MAGED1: variants seen among roughly 807,000 people sequenced by gnomAD.
MAGED1 encodes the protein melanoma-associated antigen D1.
MAGED1 carries 3 observed loss-of-function variants against 54.1 expected under a neutral mutation model. That is an observed-to-expected ratio of 0.06 (90% CI 0.03 to 0.14). The LOEUF (loss-of-function observed/expected upper bound fraction) is 0.14. Ranked by LOEUF, MAGED1 falls within the 10% of genes least tolerant of loss-of-function variation. The pLI is 1.00. For synonymous variants in MAGED1, 217 were observed against 227.3 expected (o/e 0.95, Z 0.41); for missense variants, 485 against 623.4 (o/e 0.78, Z 2.36).
chrX:51,807,818 C>A (rs2146946708), intron 1 of MAGED1, among the ~76,000 whole-genome samples: 1 of 112,127 alleles, frequency 8.9e-6, no homozygotes, highest in African/African-American at 3.2e-5. Flanking sequence ...AATGTAACTT[C>A]ACAACATGCC....
At chrX:51,898,507 C>T in intron 9 of MAGED1, 74 bp from the exon 10 acceptor site, 1 of 1,032,151 alleles carries the variant, frequency 9.7e-7, no homozygotes, top group Non-Finnish European at 1.3e-6. Flanking sequence ...TTTCTCATCT[C>T]TGACCTCTGT....
In MAGED1 at chrX:51,901,563, G is replaced by T; in HGVS notation, c.1970G>T (p.Arg657Ile). Residue 657 changes from arginine to isoleucine, a missense_variant, in exon 12 of 13, where the codon AGA becomes ATA. Physicochemically the swap from Arg to Ile is moderately conservative, Grantham distance 97. Transcript: ENST00000326587. Reference sequence around the variant, plus strand: ...TATTCCTCATCTCAGGTTCAGAAAAGAGACCCTCGTGACTGGACTGCACAG... The same window carrying T: ...TATTCCTCATCTCAGGTTCAGAAAATAGACCCTCGTGACTGGACTGCACAG... ...VLRFIAEVQK[R>I]DPRDWTAQFM... The T allele has an allele frequency of 8.7e-7, 1 of 1,150,931 alleles. No individual in the cohort carries two copies. The highest frequency in any genetic ancestry group is 1.2e-6 in the Non-Finnish European group (1 of 866,314). 94.8% of individuals were successfully genotyped at this position (1,150,931 alleles called of 1,213,427 possible).
intron 1 of MAGED1, among the ~76,000 whole-genome samples, chrX:51,880,053 G>A (rs1331858168): frequency 1.8e-5 from 2 of 112,784 alleles, no homozygotes; most frequent in Non-Finnish European, 3.7e-5. Flanking sequence ...AATTGTCTGC[G>A]TGGTGTCTAT....
chrX:51,902,008 T>G (rs1199947672), intron 12 of MAGED1, 70 bp downstream of exon 12: 13 of 1,048,313 alleles, frequency 1.2e-5, no homozygotes, highest in Non-Finnish European at 1.6e-5. Context: ...GTTGTATTTA[T>G]GTGCATGAGC....
intron 1 of MAGED1, among the ~76,000 whole-genome samples, chrX:51,849,449 A>C (rs895051049): frequency 1.8e-5 from 2 of 111,842 alleles, no homozygotes; most frequent in African/African-American, 6.5e-5. Flanking sequence ...CATTTTGTTT[A>C]TAGATTAGAG....
chrX:51,890,832 CAAA>C (rs11393540), upstream of MAGED1, among the ~76,000 whole-genome samples: 5 of 62,908 alleles, frequency 7.9e-5, no homozygotes, highest in East Asian at 5.2e-4. Context: ...ATAAGATTGG[CAAA>C]AAAAAAAAAA....
intron 7 of MAGED1, 80 bp from the exon 8 acceptor site, chrX:51,898,034 G>C: frequency 1.0e-6 from 1 of 957,249 alleles, no homozygotes; most frequent in Admixed American, 2.3e-5. Flanking sequence ...GAGGAATATT[G>C]GGGAGGCTAG....
chrX:51,868,600 G>A (rs1027264953), intron 1 of MAGED1, among the ~76,000 whole-genome samples: 10 of 111,826 alleles, frequency 8.9e-5, no homozygotes, highest in Non-Finnish European at 1.3e-4. Context: ...TGTGACAGTT[G>A]TAGTTATGGT....
intron 1 of MAGED1, among the ~76,000 whole-genome samples, chrX:51,810,262 C>T: frequency 9.0e-6 from 1 of 111,016 alleles, no homozygotes; most frequent in Non-Finnish European, 1.9e-5. Flanking sequence ...CTGGAATTAG[C>T]CATTTTACAA....
chrX:51,849,207 A>G (rs1926799689), intron 1 of MAGED1, among the ~76,000 whole-genome samples: 2 of 111,083 alleles, frequency 1.8e-5, no homozygotes, highest in African/African-American at 6.5e-5. Flanking sequence ...TTATAATGTT[A>G]TCTCAGTCGT....
chrX:51,830,173 G>A (rs1035878644), intron 1 of MAGED1, among the ~76,000 whole-genome samples: 1 of 111,583 alleles, frequency 9.0e-6, no homozygotes, highest in Non-Finnish European at 1.9e-5. Context: ...TGCTGATTGA[G>A]AAAAGTGAGT....
chrX:51,902,267 A>C lies in MAGED1; in HGVS notation c.*130A>C. On this transcript the variant is annotated 3_prime_UTR_variant, in exon 13 of 13. Coordinates refer to ENST00000326587, the MANE Select transcript of MAGED1 (RefSeq NM_006986.4). ...TGAAAGTGGCATGCAAGATAAATTT[A>C]TTTGCTGTTCCTTGTCTACTGCTTT... 5.5e-6 allele frequency: 1 copy of C among 181,925 alleles called. No homozygotes were observed. The highest frequency in any genetic ancestry group is 7.4e-5 in the Admixed American group (1 of 13,518). The allele number at this position is 181,925 out of a possible 1,213,427, so 15.0% of individuals were successfully genotyped here.
At chrX:51,822,614 A>G (rs1925678799) in intron 1 of MAGED1, among the ~76,000 whole-genome samples, 1 of 110,622 alleles carries the variant, frequency 9.0e-6, no homozygotes, top group Admixed American at 9.7e-5. Flanking sequence ...ATGAAAAGCT[A>G]GGGTCATTGT....
intron 5 of MAGED1, 124 bp downstream of exon 5, chrX:51,897,395 G>T: frequency 1.3e-6 from 1 of 785,186 alleles, no homozygotes; most frequent in South Asian, 2.4e-5. Flanking sequence ...TCTTCTGCTT[G>T]TATGACCCTT....
At position 51,898,565 on chromosome X, in the gene MAGED1, C is replaced by CT. The variant is rs782278477; in HGVS notation, c.1782-9dup. ...GTAATAGCCTCTGATTGTGGGTTTC[C>CT]TTTTTTTACCTTCAGGGTGAGACAT... On this transcript the variant is annotated splice_polypyrimidine_tract_variant and intron_variant, in intron 9 of 12. Coordinates refer to ENST00000326587, the MANE Select transcript of MAGED1 (RefSeq NM_006986.4). The CT allele has an allele frequency of 4.2e-6, 5 of 1,196,698 alleles. No individual in the cohort carries two copies.
intron 1 of MAGED1, among the ~76,000 whole-genome samples, chrX:51,809,956 G>A (rs782466781): frequency 8.9e-6 from 1 of 111,808 alleles, no homozygotes; most frequent in South Asian, 3.7e-4. Flanking sequence ...GATAAATGAT[G>A]CTGCCGCTGC....
chrX:51,875,017 C>T (rs1163528687), intron 1 of MAGED1, among the ~76,000 whole-genome samples: 4 of 111,166 alleles, frequency 3.6e-5, no homozygotes, highest in African/African-American at 1.3e-4. Context: ...GGCAGGACCA[C>T]AGCAGTTTTT....
chrX:51,885,194 A>G (rs781803795), intron 1 of MAGED1, among the ~76,000 whole-genome samples: 1 of 112,385 alleles, frequency 8.9e-6, no homozygotes, highest in Non-Finnish European at 1.9e-5. Flanking sequence ...AAAAAAATGT[A>G]TGAGTGTTCC....
chrX:51,901,522 ATTTTG>A, intron 11 of MAGED1, 26 bp from the exon 12 acceptor site: 4 of 1,126,266 alleles, frequency 3.6e-6, no homozygotes, highest in Non-Finnish European at 4.7e-6. Context: ...TTGTAAATGG[ATTTTG>A]TTTTGTTTTC....
Sources: gnomAD v4.1 joint callset for allele counts (sites outside exome capture counted in the v4.1 genomes callset) on GRCh38, gnomAD v4.1.1 for gene constraint, MANE v1.5 for transcripts, NCBI Gene and HGNC (gene_info 2026-07-23, HGNC 2026-07-21) for gene names.